Variants in IGF1R observed in about 807,000 individuals in gnomAD.
IGF1R encodes insulin like growth factor 1 receptor, also known as insulin-like growth factor 1 receptor.
In IGF1R, 44 loss-of-function variants were observed where a neutral mutation model predicts 144.6. The observed-to-expected ratio is 0.30, with a 90% CI of 0.24 to 0.39. The LOEUF (loss-of-function observed/expected upper bound fraction) is 0.39, where lower values mean the gene tolerates loss of function less well. IGF1R is among the 10% of genes least tolerant of loss of function. The pLI, the probability that IGF1R is intolerant of heterozygous loss-of-function variation, is 1.00. For missense variants in IGF1R, 1,355 were observed against 1,833.7 expected (o/e 0.74, Z 4.77); for synonymous variants, 795 against 722.8 (o/e 1.10, Z -1.60).
rs564723208 is a variant in IGF1R at position 98,758,037 on chromosome 15, G to A, written c.640+49930G>A. Among the ~76,000 whole-genome samples the A allele has an allele frequency of 5.3e-5, 8 of 152,078 alleles. No homozygotes were observed. The East Asian group carries it at 5.8e-4, about 11-fold the overall frequency. On this transcript the variant is annotated intron_variant, in intron 2 of 20. Coordinates refer to ENST00000650285, the MANE Select transcript of IGF1R (RefSeq NM_000875.5). ...GGTTTGCATTTCCGCAATTTCTGCC[G>A]TTCCCATGACTTTCTCTGTCTCCTG...
intron 2 of IGF1R, among the ~76,000 whole-genome samples, chr15:98,767,510 C>G (rs1190094833): frequency 2.0e-5 from 3 of 152,084 alleles, no homozygotes; most frequent in African/African-American, 7.2e-5. Flanking sequence ...TTCATTTTCC[C>G]CTTTAAAAGC....
At chr15:98,670,003 G>C (rs1460409075) in intron 1 of IGF1R, among the ~76,000 whole-genome samples, 3 of 152,196 alleles carry the variant, frequency 2.0e-5, no homozygotes, top group Admixed American at 2.0e-4. Flanking sequence ...GGGCCCCAGG[G>C]ATGCTGAGCT....
At chr15:98,909,558 C>T (rs986218436) in intron 6 of IGF1R, among the ~76,000 whole-genome samples, 3 of 152,214 alleles carry the variant, frequency 2.0e-5, no homozygotes, top group Non-Finnish European at 2.9e-5. Flanking sequence ...CATGCCCTGT[C>T]CGATTATTTT....
In IGF1R at chr15:98,935,698, C is replaced by T. The variant is rs1266947930; in HGVS notation, c.3297+272C>T. Among the ~76,000 whole-genome samples the T allele has an allele frequency of 6.6e-6, 1 of 152,050 alleles. No individual in the cohort carries two copies. The highest frequency in any genetic ancestry group is 2.4e-5 in the African/African-American group (1 of 41,378). ...TCCTGCATTCCCTCCACCCCCAGTC[C>T]CCTCCCCACATCAGTGTCCACCTGC... is the stretch of plus-strand genomic sequence containing the variant. On this transcript the variant is annotated intron_variant, in intron 17 of 20. Transcript: ENST00000650285. The surrounding 1 kb of genome is among the most constrained non-coding windows in gnomAD (Gnocchi z 4.2).
chr15:98,891,690 C>A lies in IGF1R; in HGVS notation c.953+53C>A. ...TACCCGCCCCACCTCACCCGCCACC[C>A]TAGCACACAAAGGTAGACTCTGTCG... On this transcript the variant is annotated intron_variant, in intron 3 of 20. Transcript: ENST00000650285. The surrounding 1 kb of genome is among the most constrained non-coding windows in gnomAD (Gnocchi z 4.7). The A allele has an allele frequency of 6.5e-7, 1 of 1,544,718 alleles. No homozygotes were observed. Among genetic ancestry groups the A allele is most frequent in the Non-Finnish European group, 8.8e-7 (1 of 1,133,936 alleles).
At chr15:98,956,351 G>T (rs769934236) in intron 20 of IGF1R, among the ~76,000 whole-genome samples, 1 of 152,232 alleles carries the variant, frequency 6.6e-6, no homozygotes, top group African/African-American at 2.4e-5. Flanking sequence ...TTGCTGGCTT[G>T]TTGGAATCTG....
intron 2 of IGF1R, among the ~76,000 whole-genome samples, chr15:98,805,697 TAAAAG>T (rs967774512): frequency 1.3e-5 from 2 of 152,198 alleles, no homozygotes; most frequent in Non-Finnish European, 2.9e-5. Context: ...TCTTGGTCCT[TAAAAG>T]AAACTAAAAT....
At chr15:98,651,295 C>T (rs1204362154) in intron 1 of IGF1R, among the ~76,000 whole-genome samples, 1 of 152,172 alleles carries the variant, frequency 6.6e-6, no homozygotes, top group African/African-American at 2.4e-5. Flanking sequence ...TCGTGGTTCG[C>T]GTGTTTACTG....
Position 98,873,476 on chromosome 15 carries a change from T to C in IGF1R, c.641-17849T>C, listed in dbSNP as rs117278786. Among the ~76,000 whole-genome samples the C allele has an allele frequency of 6.7e-3, 1,016 of 152,340 alleles. 24 individuals carry two copies. Among genetic ancestry groups the C allele is most frequent in the Non-Finnish European group, 5.0e-3 (341 of 68,030 alleles). ...CTAATTTGTAGATTATTTCTCTTCA[T>C]CGAAAAAACAAAACATTCTGCAGAG... On this transcript the variant is annotated intron_variant, in intron 2 of 20. Coordinates refer to ENST00000650285, the MANE Select transcript of IGF1R (RefSeq NM_000875.5).
At chr15:98,683,115 A>G (rs760973348) in intron 1 of IGF1R, among the ~76,000 whole-genome samples, 1 of 151,636 alleles carries the variant, frequency 6.6e-6, no homozygotes, top group Non-Finnish European at 1.5e-5. Flanking sequence ...AGGGCAGGCA[A>G]CATGTTCTTT....
intron 2 of IGF1R, among the ~76,000 whole-genome samples, chr15:98,863,529 T>C (rs1010562732): frequency 6.6e-6 from 1 of 152,218 alleles, no homozygotes; most frequent in African/African-American, 2.4e-5. Context: ...TGGATTCTAC[T>C]CTCAGGATTT....
chr15:98,778,582 G>A (rs1438420720), intron 2 of IGF1R, among the ~76,000 whole-genome samples: 2 of 152,236 alleles, frequency 1.3e-5, no homozygotes, highest in Non-Finnish European at 2.9e-5. Context: ...GGGGAGCAGG[G>A]TTGAGGAGTG....
chr15:98,801,946 G>A (rs528321417), intron 2 of IGF1R, among the ~76,000 whole-genome samples: 61 of 152,290 alleles, frequency 4.0e-4, no homozygotes, highest in African/African-American at 1.1e-3. Context: ...TAATGACCCT[G>A]ATGCCCCATG....
At chr15:98,796,459 G>C (rs79752769) in intron 2 of IGF1R, among the ~76,000 whole-genome samples, 26 of 152,286 alleles carry the variant, frequency 1.7e-4, no homozygotes, top group Non-Finnish European at 3.1e-4. Context: ...ACCTGTGCCA[G>C]GTGCTCTTCT....
In IGF1R at chr15:98,789,511, C is replaced by T. The variant is rs190022703; in HGVS notation, c.640+81404C>T. On this transcript the variant is annotated intron_variant, in intron 2 of 20. Coordinates refer to ENST00000650285, the MANE Select transcript of IGF1R (RefSeq NM_000875.5). ...ACCTCCCTGCCCCTGACGCCGAGTCCTCGCCTTAGAGGAGGTGGTCAGCTT... is the reference window on the plus strand; with the variant it reads ...ACCTCCCTGCCCCTGACGCCGAGTCTTCGCCTTAGAGGAGGTGGTCAGCTT... 2.0e-5 allele frequency among the ~76,000 whole-genome samples: 3 copies of T among 152,276 alleles called. No individual in the cohort carries two copies. In the East Asian group the frequency reaches 5.8e-4, roughly 29 times the overall value.
chr15:98,688,982 C>G (rs553530739), intron 1 of IGF1R, among the ~76,000 whole-genome samples: 1 of 152,114 alleles, frequency 6.6e-6, no homozygotes, highest in African/African-American at 2.4e-5. Context: ...TGGTGGGCGA[C>G]GACTTTGGCT....
intron 2 of IGF1R, among the ~76,000 whole-genome samples, chr15:98,835,918 TG>T (rs1341613056): frequency 4.6e-5 from 7 of 152,220 alleles, no homozygotes; most frequent in Admixed American, 3.9e-4. Flanking sequence ...TGGAAGGTGT[TG>T]GGGGTACAGG....
chr15:98,742,676 G>A (rs1259576035), intron 2 of IGF1R, among the ~76,000 whole-genome samples: 2 of 152,164 alleles, frequency 1.3e-5, no homozygotes, highest in African/African-American at 4.8e-5. Flanking sequence ...CCAAAAAGTA[G>A]TACTGATCAT....
chr15:98,899,879 CTG>C (rs1268659487), intron 5 of IGF1R, among the ~76,000 whole-genome samples: 1 of 152,168 alleles, frequency 6.6e-6, no homozygotes, highest in Admixed American at 6.5e-5. Context: ...GCGTGTCTGA[CTG>C]TGACCAGTGA....
Sources: allele counts gnomAD v4.1 joint callset (sites outside exome capture counted in the v4.1 genomes callset), GRCh38; gene constraint gnomAD v4.1.1; non-coding constraint Gnocchi (gnomAD v3.1); transcripts MANE v1.5; gene names NCBI Gene and HGNC (gene_info 2026-07-23, HGNC 2026-07-21).